SPAG16: variants seen among roughly 807,000 people sequenced by gnomAD.
The protein encoded by SPAG16 is sperm-associated antigen 16 protein.
Under a neutral mutation model 80.4 loss-of-function variants are expected in SPAG16, and 86 were observed. The ratio of observed to expected loss-of-function variants is 1.07; its 90% CI spans 0.90 to 1.28. The LOEUF is 1.28. SPAG16 is among the 50% of genes most tolerant of loss of function. The pLI is 0.00. For synonymous variants in SPAG16, 294 were observed against 265.9 expected, an observed-to-expected ratio of 1.11 and a Z score of -1.03; for missense variants, 870 against 765.3, an observed-to-expected ratio of 1.14 and a Z score of -1.61.
chr2:214,048,150 A>G (rs1175667056), intron 13 of SPAG16, among the ~76,000 whole-genome samples: 4 of 152,284 alleles, frequency 2.6e-5, no homozygotes, highest in South Asian at 2.1e-4. Context: ...TCAAAAAACT[A>G]AAAATAGAGC....
At chr2:213,998,911 G>T (rs1010599045) in intron 12 of SPAG16, among the ~76,000 whole-genome samples, 6 of 152,074 alleles carry the variant, frequency 3.9e-5, no homozygotes, top group South Asian at 2.1e-4. Context: ...GATGATTTAG[G>T]GTATCTGGTG....
intron 15 of SPAG16, among the ~76,000 whole-genome samples, chr2:214,179,242 G>T (rs552849080): frequency 6.6e-6 from 1 of 151,232 alleles, no homozygotes; most frequent in South Asian, 2.1e-4. Flanking sequence ...TTTTTTTATA[G>T]CCTGCATTGT....
At chr2:214,385,609 C>T (rs929537819) in intron 15 of SPAG16, among the ~76,000 whole-genome samples, 9 of 151,968 alleles carry the variant, frequency 5.9e-5, no homozygotes, top group Admixed American at 1.3e-4. Context: ...TTTGGGAGGC[C>T]GAGGCAGGTG....
intron 15 of SPAG16, among the ~76,000 whole-genome samples, chr2:214,252,744 C>T (rs184927957): frequency 3.9e-5 from 6 of 152,046 alleles, no homozygotes; most frequent in East Asian, 3.9e-4. Context: ...TGAATAGTGC[C>T]GCAATAAACA....
chr2:213,538,682 T>C (rs768051913), intron 10 of SPAG16, among the ~76,000 whole-genome samples: 1 of 152,166 alleles, frequency 6.6e-6, no homozygotes, highest in African/African-American at 2.4e-5. Flanking sequence ...CTTTGACTAA[T>C]AGCTTTAACA....
chr2:213,952,785 G>T (rs1316377183), intron 12 of SPAG16, among the ~76,000 whole-genome samples: 1 of 152,044 alleles, frequency 6.6e-6, no homozygotes, highest in Admixed American at 6.6e-5. Flanking sequence ...GGACTTCAAA[G>T]AAATAACCAA....
At chr2:213,550,386 T>C (rs1285759294) in intron 10 of SPAG16, among the ~76,000 whole-genome samples, 1 of 152,106 alleles carries the variant, frequency 6.6e-6, no homozygotes, top group African/African-American at 2.4e-5. Context: ...TAATGTATAT[T>C]TAAATATTTC....
At chr2:213,529,454 G>A (rs2075996651) in intron 10 of SPAG16, among the ~76,000 whole-genome samples, 1 of 152,188 alleles carries the variant, frequency 6.6e-6, no homozygotes, top group Non-Finnish European at 1.5e-5. Flanking sequence ...TTGGCCATGT[G>A]AGCCAGCTCT....
intron 6 of SPAG16, among the ~76,000 whole-genome samples, chr2:213,345,251 T>C (rs1173420620): frequency 4.8e-5 from 7 of 145,674 alleles, no homozygotes; most frequent in Admixed American, 3.4e-4. Context: ...TGTAAATTGG[T>C]TTGAGTTCTT....
intron 10 of SPAG16, among the ~76,000 whole-genome samples, chr2:213,619,051 A>G (rs530986054): frequency 8.5e-5 from 13 of 152,336 alleles, no homozygotes; most frequent in African/African-American, 2.6e-4. Flanking sequence ...AGTTTAAGCC[A>G]TAAATGGAAA....
chr2:214,264,406 C>T (rs534573820), intron 15 of SPAG16, among the ~76,000 whole-genome samples: 1 of 152,192 alleles, frequency 6.6e-6, no homozygotes, highest in African/African-American at 2.4e-5. Context: ...AATCCATTTG[C>T]CTAGACTGCC....
rs567808999 is a variant in SPAG16, at chr2:213,891,095, C to T, written c.1214+28467C>T. 1.9e-4 allele frequency among the ~76,000 whole-genome samples: 29 copies of T among 152,042 alleles called. 2 individuals carry two copies. The highest frequency in any genetic ancestry group is 6.0e-4 in the African/African-American group (25 of 41,484). On this transcript the variant is annotated intron_variant, in intron 11 of 15. Transcript: ENST00000331683. Reference sequence around the variant, plus strand: ...GTTTTAATTTTTACACTTTATTAAACATCATTTTATAAACACAGAATATAC... The same window carrying T: ...GTTTTAATTTTTACACTTTATTAAATATCATTTTATAAACACAGAATATAC...
chr2:214,029,376 T>A (rs1034690312), intron 13 of SPAG16, among the ~76,000 whole-genome samples: 2 of 152,018 alleles, frequency 1.3e-5, no homozygotes, highest in African/African-American at 4.8e-5. Flanking sequence ...TCTGGTAGAC[T>A]ATTTGGATGA....
intron 10 of SPAG16, among the ~76,000 whole-genome samples, chr2:213,607,533 T>A (rs1310483135): frequency 6.6e-6 from 1 of 152,234 alleles, no homozygotes; most frequent in East Asian, 1.9e-4. Context: ...AATTTAATGA[T>A]TTACTTTTTA....
intron 10 of SPAG16, among the ~76,000 whole-genome samples, chr2:213,667,488 T>C (rs1208423966): frequency 6.6e-6 from 1 of 152,214 alleles, no homozygotes; most frequent in African/African-American, 2.4e-5. Context: ...CAATATCTAC[T>C]ATTCAACAAG....
intron 15 of SPAG16, among the ~76,000 whole-genome samples, chr2:214,297,593 C>A (rs569217399): frequency 6.6e-6 from 1 of 152,028 alleles, no homozygotes; most frequent in Non-Finnish European, 1.5e-5. Flanking sequence ...ATCATTGTTT[C>A]TTTCTTTCCC....
intron 15 of SPAG16, among the ~76,000 whole-genome samples, chr2:214,353,287 A>T (rs908423668): frequency 4.6e-5 from 7 of 150,926 alleles, no homozygotes; most frequent in African/African-American, 1.7e-4. Context: ...ATATAAAATT[A>T]CTGAGGAAAA....
chr2:214,225,441 A>T (rs1224367356), intron 15 of SPAG16, among the ~76,000 whole-genome samples: 5 of 152,154 alleles, frequency 3.3e-5, no homozygotes, highest in Non-Finnish European at 7.4e-5. Flanking sequence ...AAAGCAGGGA[A>T]GGCAGGGACA....
At chr2:213,792,944 TG>T (rs1444448973) in intron 10 of SPAG16, among the ~76,000 whole-genome samples, 3 of 149,130 alleles carry the variant, frequency 2.0e-5, no homozygotes, top group Non-Finnish European at 4.5e-5. Flanking sequence ...TCTTTTTTTT[TG>T]AGATGAAGTC....
Sources: gnomAD v4.1 joint callset for allele counts (sites outside exome capture counted in the v4.1 genomes callset) on GRCh38, gnomAD v4.1.1 for gene constraint, MANE v1.5 for transcripts, NCBI Gene and HGNC (gene_info 2026-07-23, HGNC 2026-07-21) for gene names.